Variants in ATXN1 observed in about 807,000 individuals in gnomAD.
The protein encoded by ATXN1 is ataxin 1, also known as ataxin-1.
In ATXN1, 8 loss-of-function variants were observed where a neutral mutation model predicts 56.4. The observed-to-expected ratio is 0.14, with a 90% CI of 0.08 to 0.26. The LOEUF (loss-of-function observed/expected upper bound fraction) is 0.26, where lower values mean the gene tolerates loss of function less well. Ranked by LOEUF, ATXN1 falls within the 10% of genes least tolerant of loss-of-function variation. ATXN1 has a pLI of 1.00. For missense variants in ATXN1, 987 were observed against 1,106.5 expected (o/e 0.89, Z 1.53); for synonymous variants, 514 against 494.6 (o/e 1.04, Z -0.52).
intron 7 of ATXN1, among the ~76,000 whole-genome samples, chr6:16,314,566 AC>A (rs1293034633): frequency 2.0e-5 from 3 of 151,968 alleles, no homozygotes; most frequent in Non-Finnish European, 2.9e-5. Context: ...TGAATTTAAA[AC>A]CCATATGGGT....
intron 3 of ATXN1, among the ~76,000 whole-genome samples, chr6:16,654,760 G>A (rs1254577927): frequency 6.6e-6 from 1 of 152,106 alleles, no homozygotes; most frequent in Non-Finnish European, 1.5e-5. Context: ...ATACAGGATA[G>A]AAAACCACCA....
At chr6:16,670,500 G>T (rs1478150038) in intron 2 of ATXN1, among the ~76,000 whole-genome samples, 1 of 152,224 alleles carries the variant, frequency 6.6e-6, no homozygotes, top group African/African-American at 2.4e-5. Flanking sequence ...AGAAAAAAGA[G>T]ATCTGGAGAA....
At chr6:16,455,233 C>A (rs1247343992) in intron 6 of ATXN1, among the ~76,000 whole-genome samples, 6 of 152,148 alleles carry the variant, frequency 3.9e-5, no homozygotes, top group Admixed American at 3.9e-4. Context: ...TATTAGAAAA[C>A]AAACAACCCA....
chr6:16,754,290 T>C (rs1417602551), intron 1 of ATXN1, among the ~76,000 whole-genome samples: 2 of 152,224 alleles, frequency 1.3e-5, no homozygotes, highest in Non-Finnish European at 2.9e-5. Context: ...ATTTTCAGTC[T>C]TTGATTACTG....
At chr6:16,739,844 C>T (rs759357404) in intron 2 of ATXN1, 2 of 456,924 alleles carry the variant, frequency 4.4e-6, no homozygotes, top group Admixed American at 2.3e-5. Flanking sequence ...ACGGCAAAGA[C>T]ACCAAGTCCC....
At chr6:16,363,689 G>A (rs1235633193) in intron 6 of ATXN1, among the ~76,000 whole-genome samples, 1 of 152,212 alleles carries the variant, frequency 6.6e-6, no homozygotes, top group Non-Finnish European at 1.5e-5. Flanking sequence ...GATTTTTAGT[G>A]TATTCTCCAA....
chr6:16,523,060 TA>T (rs1421352969), intron 4 of ATXN1, among the ~76,000 whole-genome samples: 1 of 152,158 alleles, frequency 6.6e-6, no homozygotes, highest in Non-Finnish European at 1.5e-5. Flanking sequence ...TCTTTTTTTG[TA>T]TTTTTTTGAA....
intron 3 of ATXN1, among the ~76,000 whole-genome samples, chr6:16,624,592 T>C (rs1199548763): frequency 6.6e-6 from 1 of 152,214 alleles, no homozygotes; most frequent in African/African-American, 2.4e-5. Context: ...CATAATCATA[T>C]ACATTCTGCA....
rs1200560330 is a variant in ATXN1 at position 16,597,829 on chromosome 6, T to A, written c.-488-11922A>T. On this transcript the variant is annotated intron_variant, in intron 3 of 7. Transcript: ENST00000436367. ...CATGGCTCCCAGCATAGGCTAAAGT[T>A]TTATTAGGAGACCAGGAGTGCACAC... is the stretch of plus-strand genomic sequence containing the variant. Among the ~76,000 whole-genome samples, 4 of 152,112 alleles carry A rather than the reference T, an allele frequency of 2.6e-5. No homozygotes were observed. In the East Asian group the frequency reaches 5.8e-4, roughly 22 times the overall value.
At chr6:16,540,971 A>T (rs1761703241) in intron 4 of ATXN1, among the ~76,000 whole-genome samples, 1 of 152,216 alleles carries the variant, frequency 6.6e-6, no homozygotes, top group Non-Finnish European at 1.5e-5. Flanking sequence ...GGTTTGGGAA[A>T]ATCAAATGAC....
At chr6:16,567,657 T>G (rs1033341624) in intron 4 of ATXN1, among the ~76,000 whole-genome samples, 1 of 152,176 alleles carries the variant, frequency 6.6e-6, no homozygotes, top group African/African-American at 2.4e-5. Flanking sequence ...AATGAGAAAT[T>G]TTTACTTGTA....
At chr6:16,520,933 C>T (rs937851268) in intron 5 of ATXN1, among the ~76,000 whole-genome samples, 5 of 152,096 alleles carry the variant, frequency 3.3e-5, no homozygotes, top group South Asian at 2.1e-4. Context: ...GATCAAGTTC[C>T]GCAATAATGA....
At chr6:16,685,175 T>TA (rs903957548) in intron 2 of ATXN1, among the ~76,000 whole-genome samples, 63 of 152,334 alleles carry the variant, frequency 4.1e-4, no homozygotes, top group African/African-American at 1.4e-3. Flanking sequence ...TTGTAAATTT[T>TA]TGCCACATCA....
intron 3 of ATXN1, among the ~76,000 whole-genome samples, chr6:16,590,319 A>G (rs1426577682): frequency 6.6e-6 from 1 of 152,232 alleles, no homozygotes; most frequent in Non-Finnish European, 1.5e-5. Context: ...CTATTTTGCA[A>G]TGCACTTTGG....
At chr6:16,447,096 C>G (rs1365912671) in intron 6 of ATXN1, among the ~76,000 whole-genome samples, 1 of 152,156 alleles carries the variant, frequency 6.6e-6, no homozygotes, top group Non-Finnish European at 1.5e-5. Flanking sequence ...GTGCTTATCA[C>G]TAGAAGCCAG....
At chr6:16,676,550 A>G (rs930817903) in intron 2 of ATXN1, among the ~76,000 whole-genome samples, 31 of 152,216 alleles carry the variant, frequency 2.0e-4, no homozygotes, top group Admixed American at 6.5e-5. Context: ...TGAGTAAAAT[A>G]TGGTCCTTGC....
At position 16,326,806 on chromosome 6, in the gene ATXN1, G is replaced by A. The variant is rs1407036308; in HGVS notation, c.1505C>T (p.Ser502Leu). The A allele has an allele frequency of 3.0e-5, 49 of 1,608,408 alleles. No individual in the cohort carries two copies. Among genetic ancestry groups the A allele is most frequent in the Non-Finnish European group, 3.8e-5 (45 of 1,176,206 alleles). The change falls in exon 7 of 8, where the codon TCG (serine) becomes TTG (leucine). Residue 502 changes from serine to leucine, a missense_variant. Around this residue, in one of 3 missense-constraint regions of ATXN1, gnomAD observed 723 missense variants for 791.7 expected, o/e 0.91. Transcript: ENST00000436367. The surrounding 1 kb of genome is among the most constrained non-coding windows in gnomAD (Gnocchi z 6.6). ...CGTGACTATGGCCGGGGCTGCCCCC[G>A]ACGCTTCCATGTCAGTGCTGCCGAC... Reference protein sequence around the residue: ...IPVGSTDMEASGAAPAIVTSS... With the variant: ...IPVGSTDMEALGAAPAIVTSS...
intron 4 of ATXN1, among the ~76,000 whole-genome samples, chr6:16,580,658 T>A (rs924018391): frequency 6.6e-6 from 1 of 152,254 alleles, no homozygotes; most frequent in Non-Finnish European, 1.5e-5. Context: ...AGAAATCATA[T>A]TATTTATAAA....
intron 2 of ATXN1, among the ~76,000 whole-genome samples, chr6:16,679,235 G>A (rs947090361): frequency 3.3e-5 from 5 of 150,924 alleles, no homozygotes; most frequent in Non-Finnish European, 4.4e-5. Context: ...TGAATAGATG[G>A]ATGGATGGGT....
Sources: gnomAD v4.1 joint callset for allele counts (sites outside exome capture counted in the v4.1 genomes callset) on GRCh38, gnomAD v4.1.1 for gene constraint, gnomAD v4.1.1 regional missense constraint, Gnocchi (gnomAD v3.1) non-coding constraint, MANE v1.5 for transcripts, NCBI Gene and HGNC (gene_info 2026-07-23, HGNC 2026-07-21) for gene names.